The following MAP3K20 variants were observed in gnomAD, a reference collection of about 807,000 sequenced individuals.
The protein encoded by MAP3K20 is mitogen-activated protein kinase kinase kinase 20, also known as HCCS-4.
MAP3K20 carries 40 observed loss-of-function variants against 85.7 expected under a neutral mutation model. The observed-to-expected ratio is 0.47, with a 90% CI of 0.36 to 0.61. The LOEUF (loss-of-function observed/expected upper bound fraction) is 0.61, where lower values mean the gene tolerates loss of function less well. MAP3K20 is among the 20% of genes least tolerant of loss of function. The probability of loss-of-function intolerance (pLI) is 0.00; values close to 1 mark genes in which losing one functional copy is unlikely to be tolerated. For synonymous variants in MAP3K20, 325 were observed against 327.7 expected, an observed-to-expected ratio of 0.99 and a Z score of 0.09; for missense variants, 817 against 961.7, an observed-to-expected ratio of 0.85 and a Z score of 1.99.
At chr2:173,079,179 G>A (rs1002530460) in intron 1 of MAP3K20, among the ~76,000 whole-genome samples, 2 of 152,204 alleles carry the variant, frequency 1.3e-5, no homozygotes, top group Non-Finnish European at 2.9e-5. Flanking sequence ...ACAGACCTAT[G>A]TAGCATGCTG....
At chr2:173,149,444 G>T (rs907556257) in intron 2 of MAP3K20, among the ~76,000 whole-genome samples, 1 of 151,686 alleles carries the variant, frequency 6.6e-6, no homozygotes, top group Non-Finnish European at 1.5e-5. Flanking sequence ...TGGGTGAGGG[G>T]TATATGGGAA....
chr2:173,162,670 G>A (rs183844620), intron 2 of MAP3K20, among the ~76,000 whole-genome samples: 158 of 128,912 alleles, frequency 1.2e-3, no homozygotes, highest in African/African-American at 4.5e-3. Context: ...TGGGCGACAA[G>A]AATGAAACTC....
At chr2:173,210,644 T>G (rs550755450) in intron 10 of MAP3K20, 1 of 152,294 alleles carries the variant, frequency 6.6e-6, no homozygotes, top group East Asian at 1.9e-4. Flanking sequence ...GGATGAAACA[T>G]TTGAGCCAGG....
chr2:173,150,948 G>A (rs1430981217), intron 2 of MAP3K20, among the ~76,000 whole-genome samples: 1 of 152,202 alleles, frequency 6.6e-6, no homozygotes, highest in Non-Finnish European at 1.5e-5. Flanking sequence ...CTTTACATGG[G>A]AGTTTGGTCC....
chr2:173,257,436 G>C (rs186857617), intron 16 of MAP3K20, among the ~76,000 whole-genome samples: 1 of 152,044 alleles, frequency 6.6e-6, no homozygotes, highest in Non-Finnish European at 1.5e-5. Context: ...CTTTTTTTCT[G>C]TGTGGTTCTT....
intron 3 of MAP3K20, among the ~76,000 whole-genome samples, chr2:173,170,950 C>CT (rs1399546874): frequency 6.6e-6 from 1 of 152,166 alleles, no homozygotes; most frequent in Non-Finnish European, 1.5e-5. Flanking sequence ...CTCAGAGAGA[C>CT]ATGGTTACTG....
upstream of MAP3K20, chr2:173,075,777 G>C (rs2106126886): frequency 3.0e-6 from 3 of 985,442 alleles, no homozygotes; most frequent in Non-Finnish European, 3.6e-6. Flanking sequence ...TCGCCCGCGC[G>C]TGTGAGGGGA....
chr2:173,087,374 A>G (rs1687171786), intron 1 of MAP3K20, among the ~76,000 whole-genome samples: 1 of 152,172 alleles, frequency 6.6e-6, no homozygotes, highest in Non-Finnish European at 1.5e-5. Context: ...GAGATGTGAG[A>G]GGTCAGTGTA....
rs777548804 is a variant in MAP3K20 at position 173,258,800 on chromosome 2, T to C, written c.1461T>C (p.Ile487=). The part of the protein sequence containing the change: ...TFNTNLPDAE[I]LKMTKPPFVM... ...ACACTAACCTACCTGATGCGGAGAT[T>C]TTAAAGATGACAAAGGTAGGGTTCT... Residue 487 remains isoleucine (I), a synonymous_variant, in exon 17 of 20, where the codon ATT becomes ATC. Transcript: ENST00000375213. 1.0e-5 allele frequency: 16 copies of C among 1,605,786 alleles called. No individual in the cohort carries two copies. The highest frequency in any genetic ancestry group is 1.4e-5 in the Non-Finnish European group (16 of 1,173,314).
intron 2 of MAP3K20, among the ~76,000 whole-genome samples, chr2:173,147,462 G>A (rs1431246928): frequency 1.3e-5 from 2 of 152,190 alleles, no homozygotes; most frequent in African/African-American, 4.8e-5. Context: ...TTCAAGTGGG[G>A]TTGGGAAATG....
chr2:173,200,452 G>A (rs1212713642), intron 8 of MAP3K20, among the ~76,000 whole-genome samples: 1 of 152,148 alleles, frequency 6.6e-6, no homozygotes, highest in Non-Finnish European at 1.5e-5. Flanking sequence ...GTTGAAAAGA[G>A]AAAGTCGTAT....
At position 173,075,920 on chromosome 2, in the gene MAP3K20, C is replaced by T. The variant is rs1686833701; in HGVS notation, c.-117C>T. ...GGAAACGTGGGAGCCGCGCGGGCCGCTGTCGTCCCAACCCCCGCCGCCCTC... is the reference window on the plus strand; with the variant it reads ...GGAAACGTGGGAGCCGCGCGGGCCGTTGTCGTCCCAACCCCCGCCGCCCTC... On this transcript the variant is annotated 5_prime_UTR_variant, in exon 1 of 20. Coordinates refer to ENST00000375213, the MANE Select transcript of MAP3K20 (RefSeq NM_016653.3). 2 of 984,402 alleles carry T rather than the reference C, an allele frequency of 2.0e-6. No homozygotes were observed. The highest frequency in any genetic ancestry group is 3.5e-5 in the African/African-American group (2 of 57,304). 61.0% of individuals were successfully genotyped at this position (984,402 alleles called of 1,614,324 possible).
chr2:173,088,068 G>GAA lies in MAP3K20; in HGVS notation c.-34-2923_-34-2922dup, dbSNP rs76066794. Among the ~76,000 whole-genome samples the GAA allele has an allele frequency of 3.5e-3, 524 of 151,814 alleles. 2 individuals carry two copies. Among genetic ancestry groups the GAA allele is most frequent in the Non-Finnish European group, 4.7e-3 (322 of 67,964 alleles). On this transcript the variant is annotated intron_variant, in intron 1 of 19. Transcript: ENST00000375213. ...TCTAAAAACAATAGAACCAAAGAGT[G>GAA]AAAAAAAAGAGAAATTACTTGTTTT...
chr2:173,116,358 A>G (rs1342605854), intron 2 of MAP3K20, among the ~76,000 whole-genome samples: 2 of 152,202 alleles, frequency 1.3e-5, no homozygotes, highest in Non-Finnish European at 2.9e-5. Context: ...ACAATGTGCA[A>G]TAGATCTCTT....
At position 173,219,834 on chromosome 2, in the gene MAP3K20, T is replaced by C. The variant is rs543755891; in HGVS notation, c.987+2584T>C. ...CTGTAAACCCAGCACTTTGGGAGGCTGAGGGGGGTGGATCACGAGGTCAGG... is the reference window on the plus strand; with the variant it reads ...CTGTAAACCCAGCACTTTGGGAGGCCGAGGGGGGTGGATCACGAGGTCAGG... On this transcript the variant is annotated intron_variant, in intron 11 of 19. Coordinates refer to ENST00000375213, the MANE Select transcript of MAP3K20 (RefSeq NM_016653.3). Among the ~76,000 whole-genome samples the C allele has an allele frequency of 1.3e-4, 20 of 152,154 alleles. No individual in the cohort carries two copies. The South Asian group carries it at 2.5e-3, about 19-fold the overall frequency.
chr2:173,182,495 A>T (rs1206314320), intron 3 of MAP3K20, among the ~76,000 whole-genome samples: 19 of 152,212 alleles, frequency 1.2e-4, no homozygotes, highest in Admixed American at 1.2e-3. Flanking sequence ...AAGCTGTCTG[A>T]TTTATGCATT....
chr2:173,201,823 G>T lies in MAP3K20; in HGVS notation c.670-1973G>T, dbSNP rs189944023. 2.6e-5 allele frequency among the ~76,000 whole-genome samples: 4 copies of T among 152,234 alleles called. No homozygotes were observed. In the East Asian group the frequency reaches 7.7e-4, roughly 29 times the overall value. Reference sequence around the variant, plus strand: ...ACCAAAATAATCCATTGCATAAAGTGTCTGAGTCTAGATTTAACTGATATT... The same window carrying T: ...ACCAAAATAATCCATTGCATAAAGTTTCTGAGTCTAGATTTAACTGATATT... On this transcript the variant is annotated intron_variant, in intron 8 of 19. Coordinates refer to ENST00000375213, the MANE Select transcript of MAP3K20 (RefSeq NM_016653.3).
intron 2 of MAP3K20, among the ~76,000 whole-genome samples, chr2:173,160,915 C>T (rs976668473): frequency 1.3e-5 from 2 of 152,184 alleles, no homozygotes; most frequent in East Asian, 3.9e-4. Context: ...AGCAAAGAAG[C>T]ACCTACCGTA....
intron 1 of MAP3K20, among the ~76,000 whole-genome samples, chr2:173,090,038 T>G (rs1459668140): frequency 6.6e-6 from 1 of 152,244 alleles, no homozygotes; most frequent in Non-Finnish European, 1.5e-5. Flanking sequence ...TTATACTTTT[T>G]GCAAGAATAG....
Sources: allele counts gnomAD v4.1 joint callset (sites outside exome capture counted in the v4.1 genomes callset), GRCh38; gene constraint gnomAD v4.1.1; transcripts MANE v1.5; gene names NCBI Gene and HGNC (gene_info 2026-07-23, HGNC 2026-07-21).